CABLES1: variants seen among roughly 807,000 people sequenced by gnomAD.
CABLES1 encodes Cdk5 and Abl enzyme substrate 1.
Under a neutral mutation model 57.8 loss-of-function variants are expected in CABLES1, and 36 were observed. The observed-to-expected ratio is 0.62, with a 90% CI of 0.48 to 0.82. The LOEUF is 0.82. CABLES1 is among the 40% of genes least tolerant of loss of function. CABLES1 has a pLI of 0.00. For synonymous variants in CABLES1, 374 were observed against 363.0 expected (o/e 1.03, Z -0.35); for missense variants, 767 against 836.6 (o/e 0.92, Z 1.03).
intron 1 of CABLES1, among the ~76,000 whole-genome samples, chr18:23,186,486 C>T (rs2047203723): frequency 1.3e-5 from 2 of 150,362 alleles, no homozygotes; most frequent in South Asian, 2.1e-4. Context: ...AGTGCAGTGG[C>T]TTGATCTCGG....
intron 1 of CABLES1, among the ~76,000 whole-genome samples, chr18:23,183,438 T>C (rs2047181194): frequency 1.3e-5 from 2 of 152,222 alleles, no homozygotes; most frequent in Admixed American, 6.5e-5. Context: ...AGATGTGCAG[T>C]CGTGTTGTCA....
At chr18:23,193,734 G>A in intron 2 of CABLES1, among the ~76,000 whole-genome samples, 1 of 152,116 alleles carries the variant, frequency 6.6e-6, no homozygotes, top group Non-Finnish European at 1.5e-5. Context: ...ACACAAATAA[G>A]GTCTCCTTGG....
Position 23,258,035 on chromosome 18 carries a change from A to G in CABLES1, c.*668A>G, listed in dbSNP as rs2048208218. On this transcript the variant is annotated 3_prime_UTR_variant, in exon 10 of 10. Transcript: ENST00000256925. Reference sequence around the variant, plus strand: ...ATAAGAATTGCTCTCTCGGTACCAGACAGTTTGACATCCTCCACCCTTAGA... The same window carrying G: ...ATAAGAATTGCTCTCTCGGTACCAGGCAGTTTGACATCCTCCACCCTTAGA... 1 of 152,208 alleles carries G rather than the reference A, an allele frequency of 6.6e-6. No individual in the cohort carries two copies. Among genetic ancestry groups the G allele is most frequent in the African/African-American group, 2.4e-5 (1 of 41,438 alleles). The allele number at this position is 152,208 out of a possible 1,614,324, so 9.4% of individuals were successfully genotyped here.
intron 3 of CABLES1, among the ~76,000 whole-genome samples, chr18:23,202,734 C>A (rs1276002074): frequency 6.6e-6 from 1 of 152,174 alleles, no homozygotes; most frequent in East Asian, 1.9e-4. Flanking sequence ...CGCCTGTAAT[C>A]CCAGCACTTT....
intron 1 of CABLES1, among the ~76,000 whole-genome samples, chr18:23,166,887 A>G (rs1178111021): frequency 6.6e-6 from 1 of 152,198 alleles, no homozygotes; most frequent in African/African-American, 2.4e-5. Context: ...GTGGCTCCTC[A>G]TCAGAAGTTG....
intron 1 of CABLES1, among the ~76,000 whole-genome samples, chr18:23,179,041 T>C (rs1013549175): frequency 1.7e-4 from 26 of 152,148 alleles, no homozygotes; most frequent in Non-Finnish European, 2.8e-4. Flanking sequence ...ATCCCAACAC[T>C]TTGGGAGGCC....
intron 7 of CABLES1, among the ~76,000 whole-genome samples, chr18:23,238,654 G>A (rs2047663484): frequency 6.6e-6 from 1 of 152,204 alleles, no homozygotes; most frequent in African/African-American, 2.4e-5. Context: ...GGGAGCAACT[G>A]GTGTAAGAAT....
At chr18:23,231,556 G>T (rs2047567201) in intron 4 of CABLES1, among the ~76,000 whole-genome samples, 1 of 152,202 alleles carries the variant, frequency 6.6e-6, no homozygotes, top group African/African-American at 2.4e-5. Context: ...CCAGGGGGAA[G>T]TGGTGACTGC....
At chr18:23,187,045 G>A (rs2047207830) in intron 1 of CABLES1, among the ~76,000 whole-genome samples, 1 of 152,196 alleles carries the variant, frequency 6.6e-6, no homozygotes, top group South Asian at 2.1e-4. Flanking sequence ...GGCAAGCTCT[G>A]TCCCCTGAGT....
chr18:23,139,783 G>T (rs2046846121), intron 1 of CABLES1, among the ~76,000 whole-genome samples: 1 of 152,164 alleles, frequency 6.6e-6, no homozygotes, highest in African/African-American at 2.4e-5. Flanking sequence ...GGCCAGGATA[G>T]GAACCTGGAT....
chr18:23,155,788 C>A, intron 1 of CABLES1: 1 of 1,542,630 alleles, frequency 6.5e-7, no homozygotes, highest in Non-Finnish European at 8.7e-7. Context: ...CATTTTGAGT[C>A]TTAGGTTTGG....
At chr18:23,190,823 C>A (rs1385885705) in intron 2 of CABLES1, among the ~76,000 whole-genome samples, 1 of 152,098 alleles carries the variant, frequency 6.6e-6, no homozygotes, top group Admixed American at 6.6e-5. Flanking sequence ...CACCTATCAT[C>A]CTAGCACTTG....
At chr18:23,244,514 G>C (rs1358075824) in intron 7 of CABLES1, among the ~76,000 whole-genome samples, 3 of 152,256 alleles carry the variant, frequency 2.0e-5, no homozygotes, top group Non-Finnish European at 4.4e-5. Flanking sequence ...AGGATTAAAT[G>C]CCTAGAACAG....
intron 7 of CABLES1, among the ~76,000 whole-genome samples, chr18:23,243,700 G>A (rs936558246): frequency 4.0e-5 from 6 of 151,518 alleles, no homozygotes; most frequent in Non-Finnish European, 8.8e-5. Context: ...TGGCAAAACC[G>A]TCTCTACTAA....
chr18:23,169,347 G>A (rs1023967937), intron 1 of CABLES1, among the ~76,000 whole-genome samples: 3 of 152,170 alleles, frequency 2.0e-5, no homozygotes, highest in South Asian at 2.1e-4. Flanking sequence ...GAATCACCCC[G>A]AATTCTTTCT....
chr18:23,252,992 T>G lies in CABLES1; in HGVS notation c.1479T>G (p.Asp493Glu), dbSNP rs559555140. 2 of 1,613,676 alleles carry G rather than the reference T, an allele frequency of 1.2e-6. No individual in the cohort carries two copies. The highest frequency in any genetic ancestry group is 1.7e-5 in the Admixed American group (1 of 60,000). ...TGATTGACTACGTGAAGCCCTCGGA[T>G]CTCAAGAAGGACATGAACGAGACCT... ...TTVIDYVKPSDLKKDMNETFK... is the reference protein window; with the variant it reads ...TTVIDYVKPSELKKDMNETFK... Residue 493 changes from aspartate (D) to glutamate (E), a missense_variant, in exon 8 of 10, where the codon GAT becomes GAG. By Grantham distance (45) the Asp-to-Glu change is conservative (BLOSUM62 2). Transcript: ENST00000256925.
intron 1 of CABLES1, among the ~76,000 whole-genome samples, chr18:23,178,429 G>T (rs773827242): frequency 6.6e-6 from 1 of 150,390 alleles, no homozygotes; most frequent in Non-Finnish European, 1.5e-5. Context: ...TGGGCTGGCC[G>T]CCTGATGTCC....
intron 7 of CABLES1, among the ~76,000 whole-genome samples, chr18:23,240,938 CTTGT>C (rs1044299150): frequency 2.0e-5 from 3 of 152,340 alleles, no homozygotes; most frequent in East Asian, 3.9e-4. Context: ...ATCAGATGCA[CTTGT>C]TTGTTTGAAG....
intron 4 of CABLES1, chr18:23,214,261 T>C: frequency 2.0e-6 from 1 of 497,836 alleles, no homozygotes; most frequent in Non-Finnish European, 3.5e-6. Flanking sequence ...GTGTGTCCCA[T>C]CCTATTGCCT....
Sources: allele counts gnomAD v4.1 joint callset (sites outside exome capture counted in the v4.1 genomes callset), GRCh38; gene constraint gnomAD v4.1.1; transcripts MANE v1.5; gene names NCBI Gene and HGNC (gene_info 2026-07-23, HGNC 2026-07-21).